CNTNAP2: variants seen among roughly 807,000 people sequenced by gnomAD.
CNTNAP2 encodes the protein contactin-associated protein-like 2.
CNTNAP2 carries 98 observed loss-of-function variants against 155.2 expected under a neutral mutation model. That is an observed-to-expected ratio of 0.63 (90% confidence interval 0.54 to 0.75). The LOEUF (loss-of-function observed/expected upper bound fraction) is 0.75, where lower values mean the gene tolerates loss of function less well. CNTNAP2 is among the 30% of genes least tolerant of loss of function. The pLI, the probability that CNTNAP2 is intolerant of heterozygous loss-of-function variation, is 0.00. For synonymous variants in CNTNAP2, 651 were observed against 631.2 expected, an observed-to-expected ratio of 1.03 and a Z score of -0.47; for missense variants, 1,727 against 1,688.1, an observed-to-expected ratio of 1.02 and a Z score of -0.40.
chr7:147,690,968 C>T (rs146031784), intron 13 of CNTNAP2, among the ~76,000 whole-genome samples: 2,506 of 152,090 alleles, frequency 0.016, 225 homozygotes, highest in Admixed American at 0.15. Context: ...CTTTATATAG[C>T]GGTGAACTTG....
At chr7:146,906,177 A>G (rs1796121112) in intron 3 of CNTNAP2, among the ~76,000 whole-genome samples, 1 of 152,086 alleles carries the variant, frequency 6.6e-6, no homozygotes, top group South Asian at 2.1e-4. Flanking sequence ...GCTGATTGCT[A>G]GCACAGCAGT....
chr7:147,764,785 A>C (rs1454097360), intron 13 of CNTNAP2, among the ~76,000 whole-genome samples: 1 of 151,764 alleles, frequency 6.6e-6, no homozygotes, highest in Non-Finnish European at 1.5e-5. Flanking sequence ...TGACTAAGTT[A>C]ATTTTTTTAA....
At chr7:147,427,024 G>T (rs1410535552) in intron 10 of CNTNAP2, among the ~76,000 whole-genome samples, 1 of 152,112 alleles carries the variant, frequency 6.6e-6, no homozygotes, top group African/African-American at 2.4e-5. Flanking sequence ...GGTTCTGGAG[G>T]ATGGGAAGTC....
intron 21 of CNTNAP2, among the ~76,000 whole-genome samples, chr7:148,281,247 G>T (rs1585238940): frequency 6.6e-6 from 1 of 152,172 alleles, no homozygotes; most frequent in Non-Finnish European, 1.5e-5. Context: ...CTTTAAAAAG[G>T]AGCTAGAGAA....
intron 3 of CNTNAP2, among the ~76,000 whole-genome samples, chr7:146,995,453 CA>C (rs1798291217): frequency 6.6e-6 from 1 of 152,066 alleles, no homozygotes; most frequent in African/African-American, 2.4e-5. Context: ...TTCCCATCAA[CA>C]GTTGATAAGA....
At chr7:146,777,338 C>T (rs150690450) in intron 2 of CNTNAP2, among the ~76,000 whole-genome samples, 341 of 152,302 alleles carry the variant, frequency 2.2e-3, no homozygotes, top group African/African-American at 7.6e-3. Context: ...CCCTCCCCAA[C>T]GCTCTCATTT....
Position 146,821,869 on chromosome 7 carries a change from T to C in CNTNAP2, c.209-17842T>C, listed in dbSNP as rs984269839. Among the ~76,000 whole-genome samples, 12 of 151,674 alleles carry C rather than the reference T, an allele frequency of 7.9e-5. 2 individuals carry two copies. In the South Asian group the frequency reaches 2.5e-3, roughly 32 times the overall value. ...AGAAATAGGAACACTTTTACACTGT[T>C]GGTGGGACTGTAAACTAGTTCAACC... On this transcript the variant is annotated intron_variant, in intron 2 of 23. Transcript: ENST00000361727.
chr7:147,383,577 A>C (rs576435360), intron 9 of CNTNAP2, among the ~76,000 whole-genome samples: 52 of 152,248 alleles, frequency 3.4e-4, no homozygotes, highest in African/African-American at 1.3e-3. Flanking sequence ...CAATGAGAAC[A>C]CATGGACACA....
chr7:146,737,895 C>T (rs1035156307), intron 1 of CNTNAP2, among the ~76,000 whole-genome samples: 2 of 152,010 alleles, frequency 1.3e-5, no homozygotes, highest in Non-Finnish European at 2.9e-5. Context: ...ACACACATAC[C>T]ACATTTGCTT....
chr7:146,705,334 G>A (rs192436036), intron 1 of CNTNAP2, among the ~76,000 whole-genome samples: 25 of 152,182 alleles, frequency 1.6e-4, no homozygotes, highest in African/African-American at 5.8e-4. Flanking sequence ...CAAGATGCAG[G>A]AAGATTCAGT....
chr7:147,973,969 T>C (rs1352826971), intron 14 of CNTNAP2, among the ~76,000 whole-genome samples: 1 of 152,280 alleles, frequency 6.6e-6, no homozygotes, highest in South Asian at 2.1e-4. Flanking sequence ...TGACCAATAA[T>C]GCAAACATTT....
chr7:146,834,343 T>C (rs1362443861), intron 2 of CNTNAP2, among the ~76,000 whole-genome samples: 2 of 152,222 alleles, frequency 1.3e-5, no homozygotes, highest in Non-Finnish European at 2.9e-5. Context: ...AATGGATCAC[T>C]CTAGGAGCCC....
intron 1 of CNTNAP2, among the ~76,000 whole-genome samples, chr7:146,395,485 G>A (rs1186155657): frequency 6.6e-6 from 1 of 152,034 alleles, no homozygotes; most frequent in Non-Finnish European, 1.5e-5. Context: ...TCAGGATGGG[G>A]GTAGGTGAGC....
intron 1 of CNTNAP2, among the ~76,000 whole-genome samples, chr7:146,314,370 T>G (rs1584864437): frequency 6.6e-6 from 1 of 152,220 alleles, no homozygotes; most frequent in South Asian, 2.1e-4. Context: ...TAGAAGCCAG[T>G]CCCTAGGAAT....
intron 2 of CNTNAP2, among the ~76,000 whole-genome samples, chr7:146,824,956 GA>G (rs1190015643): frequency 2.6e-5 from 4 of 151,624 alleles, no homozygotes; most frequent in East Asian, 1.9e-4. Flanking sequence ...CCCTATGGGG[GA>G]AAAAAGCCTA....
intron 19 of CNTNAP2, among the ~76,000 whole-genome samples, chr7:148,224,148 A>G (rs570408055): frequency 5.9e-5 from 9 of 152,356 alleles, no homozygotes; most frequent in Non-Finnish European, 1.2e-4. Flanking sequence ...GAGATGAATC[A>G]AGGCAGCTGT....
chr7:146,841,919 G>T (rs1486592164), intron 3 of CNTNAP2, among the ~76,000 whole-genome samples: 1 of 148,830 alleles, frequency 6.7e-6, no homozygotes, highest in African/African-American at 2.5e-5. Flanking sequence ...TTTTGCTCTT[G>T]TTGCCCAGGC....
chr7:148,135,621 G>T (rs1018472717), intron 16 of CNTNAP2, among the ~76,000 whole-genome samples: 4 of 151,876 alleles, frequency 2.6e-5, no homozygotes, highest in Admixed American at 1.3e-4. Context: ...GGCCGAGGCA[G>T]GTGGATCACC....
chr7:146,403,843 AG>A (rs1400754972), intron 1 of CNTNAP2, among the ~76,000 whole-genome samples: 3 of 152,172 alleles, frequency 2.0e-5, no homozygotes, highest in Non-Finnish European at 2.9e-5. Context: ...CGGTGTACTG[AG>A]ATTCAGTCAG....
Sources: allele counts gnomAD v4.1 joint callset (sites outside exome capture counted in the v4.1 genomes callset), GRCh38; gene constraint gnomAD v4.1.1; transcripts MANE v1.5; gene names NCBI Gene and HGNC (gene_info 2026-07-23, HGNC 2026-07-21).